Variants in WWOX observed in about 807,000 individuals in gnomAD.
The protein encoded by WWOX is WW domain-containing oxidoreductase.
In WWOX, 69 loss-of-function variants were observed where a neutral mutation model predicts 46.2. The ratio of observed to expected loss-of-function variants is 1.49; its 90% CI spans 1.23 to 1.82. The LOEUF is 1.82. Among genes scored for constraint, WWOX ranks in the 40% most tolerant of loss-of-function variants. The pLI is 0.00. For synonymous variants in WWOX, 359 were observed against 202.6 expected, an observed-to-expected ratio of 1.77 and a Z score of -6.56; for missense variants, 919 against 542.6, an observed-to-expected ratio of 1.69 and a Z score of -6.89.
intron 8 of WWOX, among the ~76,000 whole-genome samples, chr16:78,618,277 T>C (rs574737835): frequency 9.2e-5 from 14 of 152,234 alleles, no homozygotes; most frequent in Non-Finnish European, 1.8e-4. Context: ...TGTTTTATTT[T>C]GCTTGGGCTG....
intron 8 of WWOX, among the ~76,000 whole-genome samples, chr16:79,099,543 A>T (rs973468721): frequency 6.6e-6 from 1 of 151,696 alleles, no homozygotes; most frequent in African/African-American, 2.4e-5. Context: ...TTTCTCTTCT[A>T]ACAGAATCTA....
chr16:78,143,752 G>GTTTTTTTTTTT (rs200125720), intron 4 of WWOX, among the ~76,000 whole-genome samples: 1 of 120,240 alleles, frequency 8.3e-6, no homozygotes, highest in Non-Finnish European at 1.7e-5. Context: ...GAATTGGTAT[G>GTTTTTTTTTTT]TTTTTTTTTT....
chr16:78,220,785 C>T (rs2036861653), intron 5 of WWOX, among the ~76,000 whole-genome samples: 1 of 152,064 alleles, frequency 6.6e-6, no homozygotes, highest in South Asian at 2.1e-4. Flanking sequence ...GAGTAAGTAC[C>T]ACCATAGTTA....
intron 8 of WWOX, among the ~76,000 whole-genome samples, chr16:78,691,832 C>T (rs2047995459): frequency 6.6e-6 from 1 of 152,198 alleles, no homozygotes; most frequent in Non-Finnish European, 1.5e-5. Flanking sequence ...CCACCCAAAT[C>T]TCAACTTGAA....
intron 8 of WWOX, among the ~76,000 whole-genome samples, chr16:78,651,899 T>C (rs576831434): frequency 2.0e-5 from 3 of 152,166 alleles, no homozygotes; most frequent in African/African-American, 4.8e-5. Flanking sequence ...GCTATTCCCA[T>C]AGGGAGTGAG....
At chr16:78,903,284 A>C (rs2044875179) in intron 8 of WWOX, among the ~76,000 whole-genome samples, 1 of 152,234 alleles carries the variant, frequency 6.6e-6, no homozygotes, top group Non-Finnish European at 1.5e-5. Context: ...GTGAAGTTAC[A>C]AATATCACAC....
At chr16:79,003,160 TCTCTAA>T (rs1285572235) in intron 8 of WWOX, among the ~76,000 whole-genome samples, 3 of 152,182 alleles carry the variant, frequency 2.0e-5, no homozygotes, top group Non-Finnish European at 4.4e-5. Context: ...TGTTTGTCAT[TCTCTAA>T]CTTTGAGAGC....
At chr16:79,188,919 G>A (rs528787957) in intron 8 of WWOX, among the ~76,000 whole-genome samples, 3 of 152,088 alleles carry the variant, frequency 2.0e-5, no homozygotes, top group Admixed American at 2.0e-4. Context: ...TGCACCAGAG[G>A]GAAAATATTA....
intron 8 of WWOX, among the ~76,000 whole-genome samples, chr16:79,200,093 CG>C (rs1567612750): frequency 1.3e-5 from 2 of 152,148 alleles, no homozygotes; most frequent in Non-Finnish European, 2.9e-5. Context: ...CTCCTTTGCA[CG>C]AAGAGCAATT....
chr16:79,184,658 C>A (rs1206452524), intron 8 of WWOX, among the ~76,000 whole-genome samples: 1 of 152,210 alleles, frequency 6.6e-6, no homozygotes, highest in Admixed American at 6.5e-5. Flanking sequence ...TTGGTGAAGT[C>A]TCCCACCCCG....
chr16:78,356,071 TAAAAAAAAAAAA>T (rs61113878), intron 5 of WWOX, among the ~76,000 whole-genome samples: 5 of 76,124 alleles, frequency 6.6e-5, no homozygotes, highest in Non-Finnish European at 1.3e-4. Flanking sequence ...TTTTTTTTCC[TAAAAAAAAAAAA>T]AAAAAAAAAA....
Position 78,786,286 on chromosome 16 carries a change from G to A in WWOX, c.1056+353534G>A, listed in dbSNP as rs144475892. Among the ~76,000 whole-genome samples, 9 of 152,278 alleles carry A rather than the reference G, an allele frequency of 5.9e-5. No individual in the cohort carries two copies. The East Asian group carries it at 9.6e-4, about 16-fold the overall frequency. On this transcript the variant is annotated intron_variant, in intron 8 of 8. Coordinates refer to ENST00000566780, the MANE Select transcript of WWOX (RefSeq NM_016373.4). ...AATAAATGACACCTGGATTTGTAGCGAATGTCTATTTCCATGGTGTAAATA... is the reference window on the plus strand; with the variant it reads ...AATAAATGACACCTGGATTTGTAGCAAATGTCTATTTCCATGGTGTAAATA...
At chr16:78,883,680 T>A (rs1217298333) in intron 8 of WWOX, among the ~76,000 whole-genome samples, 3 of 150,742 alleles carry the variant, frequency 2.0e-5, no homozygotes, top group Non-Finnish European at 4.4e-5. Flanking sequence ...GTTGAGATCA[T>A]GCTACTGTAC....
chr16:78,399,447 C>A (rs1026982647), intron 6 of WWOX, among the ~76,000 whole-genome samples: 7 of 149,910 alleles, frequency 4.7e-5, no homozygotes, highest in Admixed American at 2.6e-4. Context: ...GTGAGGGCTT[C>A]TGTTAAGAGT....
In WWOX at chr16:78,527,912, T is replaced by C. The variant is rs970068980; in HGVS notation, c.1056+95160T>C. The stretch of plus-strand genomic sequence containing the variant: ...AAAGGACCATGCCCACCACAAAATA[T>C]CAGCAGTGCCCAGGTTGGGAAGCTC... On this transcript the variant is annotated intron_variant, in intron 8 of 8. Coordinates refer to ENST00000566780, the MANE Select transcript of WWOX (RefSeq NM_016373.4). Among the ~76,000 whole-genome samples the C allele has an allele frequency of 2.7e-5, 4 of 150,690 alleles. No individual in the cohort carries two copies. In the East Asian group the frequency reaches 7.9e-4, roughly 30 times the overall value.
intron 8 of WWOX, among the ~76,000 whole-genome samples, chr16:79,163,615 A>G (rs1216156020): frequency 6.6e-6 from 1 of 152,150 alleles, no homozygotes; most frequent in Non-Finnish European, 1.5e-5. Flanking sequence ...CCTGCCCAAA[A>G]TGGAGAAACG....
intron 8 of WWOX, among the ~76,000 whole-genome samples, chr16:78,919,532 T>C (rs1307587464): frequency 6.0e-5 from 9 of 150,332 alleles, no homozygotes; most frequent in Non-Finnish European, 1.3e-4. Flanking sequence ...TTGTTTTTTT[T>C]TTTTTTGAGG....
chr16:79,136,436 G>A (rs2049983209), intron 8 of WWOX, among the ~76,000 whole-genome samples: 1 of 151,834 alleles, frequency 6.6e-6, no homozygotes, highest in Admixed American at 6.6e-5. Context: ...TTACCATGTT[G>A]GCCAGGATGG....
chr16:78,778,039 C>T (rs1362437769), intron 8 of WWOX, among the ~76,000 whole-genome samples: 2 of 88,528 alleles, frequency 2.3e-5, no homozygotes, highest in East Asian at 2.9e-4. Flanking sequence ...AGTGAGACTC[C>T]ATCTGAAAAA....
Sources: allele counts gnomAD v4.1 joint callset (sites outside exome capture counted in the v4.1 genomes callset), GRCh38; gene constraint gnomAD v4.1.1; transcripts MANE v1.5; gene names NCBI Gene and HGNC (gene_info 2026-07-23, HGNC 2026-07-21).